The following FER1L6 variants were observed in gnomAD, a reference collection of about 807,000 sequenced individuals.
FER1L6 encodes the protein fer-1 like family member 6, also known as fer-1-like protein 6.
Under a neutral mutation model 219.2 loss-of-function variants are expected in FER1L6, and 177 were observed. The ratio of observed to expected loss-of-function variants is 0.81; its 90% CI spans 0.71 to 0.91. The LOEUF (loss-of-function observed/expected upper bound fraction) is 0.91. Among genes scored for constraint, FER1L6 ranks in the 40% least tolerant of loss-of-function variants. The pLI is 0.00. For missense variants in FER1L6, 2,153 were observed against 2,259.9 expected (o/e 0.95, Z 0.96); for synonymous variants, 768 against 824.3 (o/e 0.93, Z 1.17).
At chr8:124,035,907 C>T (rs1396836542) in intron 19 of FER1L6, 1 of 152,738 alleles carries the variant, frequency 6.5e-6, no homozygotes, top group African/African-American at 2.4e-5. Flanking sequence ...AGTAGGTTCA[C>T]TTATATTTCT....
intron 1 of FER1L6, among the ~76,000 whole-genome samples, chr8:123,951,764 AGT>A (rs940265911): frequency 6.6e-6 from 1 of 152,228 alleles, no homozygotes; most frequent in Non-Finnish European, 1.5e-5. Context: ...TCTCAGCTAA[AGT>A]CCGCCCCCTG....
At chr8:123,858,040 C>G (rs749467116) in intron 1 of FER1L6, among the ~76,000 whole-genome samples, 2 of 152,088 alleles carry the variant, frequency 1.3e-5, no homozygotes, top group Non-Finnish European at 2.9e-5. Context: ...CCTCATTTGG[C>G]CAGGGACTGG....
intron 1 of FER1L6, among the ~76,000 whole-genome samples, chr8:123,937,604 A>G (rs1294626524): frequency 2.6e-5 from 4 of 152,180 alleles, no homozygotes. Context: ...TTTCATATAA[A>G]ATTGCTTTTG....
intron 18 of FER1L6, among the ~76,000 whole-genome samples, chr8:124,025,346 T>A (rs867825547): frequency 7.9e-5 from 12 of 152,262 alleles, no homozygotes; most frequent in Middle Eastern, 6.8e-3. Flanking sequence ...CTTGAGTTAA[T>A]TTTTTTGTAT....
chr8:123,986,202 G>A, intron 12 of FER1L6, 26 bp downstream of exon 12: 1 of 1,330,946 alleles, frequency 7.5e-7, no homozygotes, highest in Non-Finnish European at 1.1e-6. Context: ...CACAGTGCCA[G>A]GCACATAGCA....
chr8:123,951,017 G>A (rs1814736993), intron 1 of FER1L6, among the ~76,000 whole-genome samples: 1 of 152,198 alleles, frequency 6.6e-6, no homozygotes, highest in African/African-American at 2.4e-5. Flanking sequence ...ATTATAAAGT[G>A]CAGCCTATGC....
chr8:123,974,885 C>A (rs1815993819), intron 7 of FER1L6, among the ~76,000 whole-genome samples: 1 of 151,898 alleles, frequency 6.6e-6, no homozygotes, highest in African/African-American at 2.4e-5. Context: ...AAAGATGGAA[C>A]CTTGTCTCAG....
Position 123,930,711 on chromosome 8 carries a change from G to A in FER1L6, c.-7-25281G>A, listed in dbSNP as rs1486191757. ...TCTTTAAAATAGGGATGACACTAGT[G>A]CCTGCTTCAGGGATTGCTGTGGGAT... On this transcript the variant is annotated intron_variant, in intron 1 of 40. Coordinates refer to ENST00000522917, the MANE Select transcript of FER1L6 (RefSeq NM_001039112.2). Among the ~76,000 whole-genome samples, 4 of 152,196 alleles carry A rather than the reference G, an allele frequency of 2.6e-5. No homozygotes were observed. In the East Asian group the frequency reaches 7.7e-4, roughly 29 times the overall value.
At chr8:123,975,032 T>C in intron 7 of FER1L6, 118 bp from the exon 8 acceptor site, 1 of 895,812 alleles carries the variant, frequency 1.1e-6, no homozygotes, top group East Asian at 2.9e-5. Flanking sequence ...CTGAGATGAT[T>C]TACCACCTAG....
At chr8:124,087,626 T>C (rs762488255) in intron 33 of FER1L6, among the ~76,000 whole-genome samples, 8 of 152,180 alleles carry the variant, frequency 5.3e-5, no homozygotes, top group African/African-American at 1.2e-4. Flanking sequence ...ATGGCCCTGA[T>C]GCTTGTGGAT....
chr8:123,995,751 C>T (rs991609360), intron 12 of FER1L6, among the ~76,000 whole-genome samples: 11 of 151,978 alleles, frequency 7.2e-5, no homozygotes, highest in Middle Eastern at 3.4e-3. Flanking sequence ...TAAGATGCAT[C>T]GTTAGGTTGT....
chr8:124,092,152 C>T (rs1200682761), intron 34 of FER1L6, among the ~76,000 whole-genome samples: 1 of 152,012 alleles, frequency 6.6e-6, no homozygotes, highest in Non-Finnish European at 1.5e-5. Flanking sequence ...TAAATAAACA[C>T]AGAGTTTTGT....
At chr8:124,095,734 A>G (rs1822255764) in intron 35 of FER1L6, among the ~76,000 whole-genome samples, 1 of 152,214 alleles carries the variant, frequency 6.6e-6, no homozygotes, top group African/African-American at 2.4e-5. Flanking sequence ...AAGCTGGTAC[A>G]AGGAACACAC....
rs1586370769 is a variant in FER1L6, at chr8:124,119,822, T to C, written c.*32T>C. Reference sequence around the variant, plus strand: ...ATGGAGGACCCAGATCCTCGCCATATACTAATCCTCTCTTCCTTATCTGGG... The same window carrying C: ...ATGGAGGACCCAGATCCTCGCCATACACTAATCCTCTCTTCCTTATCTGGG... On this transcript the variant is annotated 3_prime_UTR_variant, in exon 41 of 41. Coordinates refer to ENST00000522917, the MANE Select transcript of FER1L6 (RefSeq NM_001039112.2). 3 of 1,605,120 alleles carry C rather than the reference T, an allele frequency of 1.9e-6. No individual in the cohort carries two copies. In the East Asian group the frequency reaches 6.7e-5, roughly 36 times the overall value.
intron 33 of FER1L6, among the ~76,000 whole-genome samples, chr8:124,090,068 T>C (rs1447794756): frequency 6.6e-6 from 1 of 152,226 alleles, no homozygotes; most frequent in African/African-American, 2.4e-5. Flanking sequence ...CATTTATGCA[T>C]CAAGGTAGAC....
At chr8:123,886,848 G>T (rs1156520217) in intron 1 of FER1L6, among the ~76,000 whole-genome samples, 1 of 152,214 alleles carries the variant, frequency 6.6e-6, no homozygotes, top group Admixed American at 6.5e-5. Context: ...CTTCTCATCT[G>T]TGAGGACAAT....
At chr8:123,869,595 A>G (rs1309857747) in intron 1 of FER1L6, among the ~76,000 whole-genome samples, 2 of 152,238 alleles carry the variant, frequency 1.3e-5, no homozygotes, top group Admixed American at 1.3e-4. Context: ...ACAACTCAAC[A>G]TTGTTAAGAT....
intron 13 of FER1L6, among the ~76,000 whole-genome samples, chr8:124,006,649 C>T (rs1222733961): frequency 1.3e-5 from 2 of 152,160 alleles, no homozygotes; most frequent in Non-Finnish European, 2.9e-5. Flanking sequence ...GCTGGAGCTC[C>T]GGAATGGGAC....
intron 31 of FER1L6, among the ~76,000 whole-genome samples, chr8:124,075,871 C>T (rs1324287283): frequency 6.6e-6 from 1 of 152,196 alleles, no homozygotes; most frequent in Non-Finnish European, 1.5e-5. Flanking sequence ...TGCCTTCTGC[C>T]TCCTGGTCCG....
Sources: gnomAD v4.1 joint callset for allele counts (sites outside exome capture counted in the v4.1 genomes callset) on GRCh38, gnomAD v4.1.1 for gene constraint, MANE v1.5 for transcripts, NCBI Gene and HGNC (gene_info 2026-07-23, HGNC 2026-07-21) for gene names.